The following RABGAP1L variants were observed in gnomAD, a reference collection of about 807,000 sequenced individuals.
RABGAP1L encodes RAB GTPase activating protein 1 like, also known as rab GTPase-activating protein 1-like.
In RABGAP1L, 63 loss-of-function variants were observed where a neutral mutation model predicts 137.7. The observed-to-expected ratio is 0.46, with a 90% CI of 0.37 to 0.56. The LOEUF is 0.56. Among genes scored for constraint, RABGAP1L ranks in the 20% least tolerant of loss-of-function variants. RABGAP1L has a pLI of 0.00. For missense variants in RABGAP1L, 1,095 were observed against 1,244.0 expected (o/e 0.88, Z 1.80); for synonymous variants, 431 against 433.7 (o/e 0.99, Z 0.08).
In RABGAP1L at chr1:174,418,260, C is replaced by T. The variant is rs144331884; in HGVS notation, c.1710+24115C>T. On this transcript the variant is annotated intron_variant, in intron 13 of 25. Coordinates refer to ENST00000681986, the MANE Select transcript of RABGAP1L (RefSeq NM_001366446.1). ...AATTACCTTCTTTCCTAAGATAACA[C>T]GTCTTGTTCAGTTTCAATGAGGTAG... 2.5e-4 allele frequency among the ~76,000 whole-genome samples: 38 copies of T among 152,266 alleles called. No individual in the cohort carries two copies. The Middle Eastern group carries it at 0.01, about 41-fold the overall frequency.
At chr1:174,614,678 A>T (rs1191288999) in intron 13 of RABGAP1L, among the ~76,000 whole-genome samples, 1 of 152,206 alleles carries the variant, frequency 6.6e-6, no homozygotes, top group African/African-American at 2.4e-5. Context: ...AGTGTTTTCC[A>T]ACTTGGTTCC....
At chr1:174,615,931 A>T (rs749155456) in intron 13 of RABGAP1L, among the ~76,000 whole-genome samples, 1 of 152,198 alleles carries the variant, frequency 6.6e-6, no homozygotes. Context: ...GCCCGTTGGA[A>T]AAGTGCAGTA....
intron 18 of RABGAP1L, among the ~76,000 whole-genome samples, chr1:174,804,729 G>A (rs16847457): frequency 0.055 from 8,428 of 152,200 alleles, 795 homozygotes; most frequent in African/African-American, 0.19. Flanking sequence ...ACAGTGAATC[G>A]AAGGAGGGTT....
intron 13 of RABGAP1L, among the ~76,000 whole-genome samples, chr1:174,525,335 T>G (rs1663782604): frequency 6.6e-6 from 1 of 152,106 alleles, no homozygotes; most frequent in African/African-American, 2.4e-5. Flanking sequence ...GTTTTATAGC[T>G]TTTTTTGGTA....
Position 174,884,178 on chromosome 1 carries a change from T to C in RABGAP1L, c.2340+72218T>C, listed in dbSNP as rs578041424. Among the ~76,000 whole-genome samples the C allele has an allele frequency of 3.9e-5, 6 of 152,344 alleles. No individual in the cohort carries two copies. The South Asian group carries it at 1.2e-3, about 32-fold the overall frequency. ...TTGGCACTGGATAGATATTCTTCAC[T>C]GACAGAAACCAAAATAGCAGCACTG... On this transcript the variant is annotated intron_variant, in intron 19 of 25. Coordinates refer to ENST00000681986, the MANE Select transcript of RABGAP1L (RefSeq NM_001366446.1).
chr1:174,732,175 G>A (rs768045671), intron 17 of RABGAP1L, among the ~76,000 whole-genome samples: 6 of 147,700 alleles, frequency 4.1e-5, no homozygotes, highest in Non-Finnish European at 8.9e-5. Flanking sequence ...TTCCAGCCTG[G>A]CGACAGAGTG....
chr1:174,935,558 G>A (rs1288395125), intron 19 of RABGAP1L: 1 of 152,124 alleles, frequency 6.6e-6, no homozygotes, highest in African/African-American at 2.4e-5. Flanking sequence ...TAACATAGTA[G>A]ACTTTTTAAT....
At chr1:174,453,839 G>A (rs902830295) in intron 13 of RABGAP1L, among the ~76,000 whole-genome samples, 1 of 152,078 alleles carries the variant, frequency 6.6e-6, no homozygotes, top group Non-Finnish European at 1.5e-5. Context: ...TTTTTCAATA[G>A]TAAAAGTGTT....
intron 10 of RABGAP1L, among the ~76,000 whole-genome samples, chr1:174,301,635 G>C (rs1677717908): frequency 6.6e-6 from 1 of 152,106 alleles, no homozygotes; most frequent in Non-Finnish European, 1.5e-5. Context: ...CAATGAAACA[G>C]ATCTCAGCAG....
At chr1:174,741,995 C>A (rs1317401707) in intron 17 of RABGAP1L, among the ~76,000 whole-genome samples, 1 of 142,596 alleles carries the variant, frequency 7.0e-6, no homozygotes, top group Admixed American at 7.2e-5. Flanking sequence ...GCCATGATAG[C>A]ACTACTATGC....
At chr1:174,289,851 G>A (rs1365712357) in intron 10 of RABGAP1L, among the ~76,000 whole-genome samples, 1 of 152,212 alleles carries the variant, frequency 6.6e-6, no homozygotes, top group Non-Finnish European at 1.5e-5. Flanking sequence ...GGGTGAGGCT[G>A]CAGGCTGTGC....
At chr1:174,581,319 C>T (rs990559492) in intron 13 of RABGAP1L, among the ~76,000 whole-genome samples, 1 of 152,036 alleles carries the variant, frequency 6.6e-6, no homozygotes, top group Admixed American at 6.6e-5. Context: ...ATAGCACATC[C>T]AAAACGTTAT....
intron 13 of RABGAP1L, chr1:174,547,716 A>T (rs1666133752): frequency 2.5e-6 from 2 of 812,360 alleles, no homozygotes; most frequent in East Asian, 5.3e-5. Flanking sequence ...AGACATGGGG[A>T]ATTTATCTGC....
chr1:174,664,734 C>CTTTTTTTTTT (rs71701825), intron 14 of RABGAP1L, among the ~76,000 whole-genome samples: 1 of 97,574 alleles, frequency 1.0e-5, no homozygotes. Flanking sequence ...TTTCTGCTTT[C>CTTTTTTTTTT]TTTTTTTTTT....
intron 16 of RABGAP1L, among the ~76,000 whole-genome samples, 166 bp from the exon 17 acceptor site, chr1:174,701,947 T>C (rs1679693213): frequency 1.3e-5 from 2 of 152,182 alleles, no homozygotes; most frequent in East Asian, 3.8e-4. Flanking sequence ...ATATCCCTAA[T>C]TCTCATCTGC....
chr1:174,643,941 GTA>G (rs60433266), intron 14 of RABGAP1L, among the ~76,000 whole-genome samples: 16,362 of 101,964 alleles, frequency 0.16, 2,886 homozygotes, highest in African/African-American at 0.46. Context: ...GTGTGTGTGT[GTA>G]TGTATGTATG....
chr1:174,612,692 C>A (rs1445295426), intron 13 of RABGAP1L, among the ~76,000 whole-genome samples: 1 of 152,048 alleles, frequency 6.6e-6, no homozygotes. Context: ...GTCCTGGACT[C>A]TTTTTGATTG....
At chr1:174,502,926 G>C (rs755216345) in intron 13 of RABGAP1L, among the ~76,000 whole-genome samples, 1 of 152,110 alleles carries the variant, frequency 6.6e-6, no homozygotes, top group Non-Finnish European at 1.5e-5. Context: ...ACAATAAATA[G>C]TGATTAACCT....
chr1:174,686,896 T>G (rs1678514643), intron 15 of RABGAP1L, among the ~76,000 whole-genome samples: 1 of 151,808 alleles, frequency 6.6e-6, no homozygotes, highest in Non-Finnish European at 1.5e-5. Flanking sequence ...CCTGACCTGG[T>G]GATCCTCCCA....
Sources: allele counts gnomAD v4.1 joint callset (sites outside exome capture counted in the v4.1 genomes callset), GRCh38; gene constraint gnomAD v4.1.1; transcripts MANE v1.5; gene names NCBI Gene and HGNC (gene_info 2026-07-23, HGNC 2026-07-21).